The following ZDHHC14 variants were observed in gnomAD, a reference collection of about 807,000 sequenced individuals.
ZDHHC14 encodes the protein zDHHC palmitoyltransferase 14.
ZDHHC14 carries 16 observed loss-of-function variants against 47.7 expected under a neutral mutation model. That is an observed-to-expected ratio of 0.34 (90% CI 0.23 to 0.51). The LOEUF is 0.51. ZDHHC14 is among the 20% of genes least tolerant of loss of function. The pLI, the probability that ZDHHC14 is intolerant of heterozygous loss-of-function variation, is 0.97. For synonymous variants in ZDHHC14, 293 were observed against 278.9 expected, an observed-to-expected ratio of 1.05 and a Z score of -0.50; for missense variants, 515 against 662.5, an observed-to-expected ratio of 0.78 and a Z score of 2.44.
intron 3 of ZDHHC14, among the ~76,000 whole-genome samples, chr6:157,620,972 C>A (rs886544024): frequency 6.6e-6 from 1 of 152,212 alleles, no homozygotes; most frequent in African/African-American, 2.4e-5. Flanking sequence ...ATGTAAAATT[C>A]TTAGCACAGT....
intron 4 of ZDHHC14, among the ~76,000 whole-genome samples, chr6:157,628,996 A>G (rs943539585): frequency 3.3e-5 from 5 of 152,356 alleles, no homozygotes; most frequent in African/African-American, 9.6e-5. Context: ...TTTCTTGCAC[A>G]CAAATCTATA....
chr6:157,445,410 G>C (rs1778645768), intron 1 of ZDHHC14, among the ~76,000 whole-genome samples: 1 of 152,132 alleles, frequency 6.6e-6, no homozygotes, highest in African/African-American at 2.4e-5. Flanking sequence ...CATTTGTCTT[G>C]CCTCCGTCTC....
chr6:157,385,766 A>G (rs1221666970), intron 1 of ZDHHC14, among the ~76,000 whole-genome samples: 2 of 152,272 alleles, frequency 1.3e-5, no homozygotes, highest in African/African-American at 4.8e-5. Flanking sequence ...CTGCAAAGCC[A>G]GTGCTCTTTC....
At chr6:157,480,915 A>T (rs999178037) in intron 1 of ZDHHC14, among the ~76,000 whole-genome samples, 1 of 152,232 alleles carries the variant, frequency 6.6e-6, no homozygotes, top group African/African-American at 2.4e-5. Flanking sequence ...TGAAAATAAA[A>T]TTTTGATAGT....
intron 1 of ZDHHC14, among the ~76,000 whole-genome samples, chr6:157,508,920 A>G (rs1780395374): frequency 6.6e-6 from 1 of 152,218 alleles, no homozygotes. Context: ...TGAAAAATAA[A>G]AAGAGAGAGC....
intron 1 of ZDHHC14, among the ~76,000 whole-genome samples, chr6:157,395,492 T>A (rs1777503258): frequency 6.6e-6 from 1 of 151,844 alleles, no homozygotes; most frequent in South Asian, 2.1e-4. Context: ...TCCTTCACTC[T>A]AGCCTTAAAA....
At chr6:157,449,490 A>G (rs750199990) in intron 1 of ZDHHC14, among the ~76,000 whole-genome samples, 8 of 152,186 alleles carry the variant, frequency 5.3e-5, no homozygotes, top group Admixed American at 1.3e-4. Context: ...CACAGTTATA[A>G]TAAGACTTCT....
At chr6:157,599,393 G>A (rs1315574597) in intron 3 of ZDHHC14, among the ~76,000 whole-genome samples, 1 of 152,210 alleles carries the variant, frequency 6.6e-6, no homozygotes, top group Non-Finnish European at 1.5e-5. Context: ...ACGAAACTCT[G>A]ACTGTCTTCA....
At chr6:157,659,422 C>T (rs978063753) in intron 8 of ZDHHC14, among the ~76,000 whole-genome samples, 5 of 152,200 alleles carry the variant, frequency 3.3e-5, no homozygotes, top group African/African-American at 7.2e-5. Flanking sequence ...ATGAGAAATA[C>T]GCGTACCAAT....
At chr6:157,636,667 A>G (rs1225282108) in intron 5 of ZDHHC14, among the ~76,000 whole-genome samples, 2 of 152,210 alleles carry the variant, frequency 1.3e-5, no homozygotes, top group Non-Finnish European at 2.9e-5. Flanking sequence ...TTCCCCCTGG[A>G]GAAAAGTGGG....
At chr6:157,533,024 G>A (rs1582898231) in intron 1 of ZDHHC14, among the ~76,000 whole-genome samples, 1 of 152,146 alleles carries the variant, frequency 6.6e-6, no homozygotes, top group East Asian at 1.9e-4. Context: ...CACATATGCA[G>A]AAAATCACCC....
chr6:157,395,718 T>G (rs1328538791), intron 1 of ZDHHC14, among the ~76,000 whole-genome samples: 1 of 149,478 alleles, frequency 6.7e-6, no homozygotes, highest in Non-Finnish European at 1.5e-5. Flanking sequence ...CACTTGAACC[T>G]GGGAGGCGGA....
chr6:157,573,764 C>G lies in ZDHHC14; in HGVS notation c.407-19224C>G, dbSNP rs575746096. On this transcript the variant is annotated intron_variant, in intron 2 of 8. Transcript: ENST00000359775. ...CTGGCTGAGCTTTGTTTCCAGTACT[C>G]TCCATCCAGCCCAGAGGAAGCGCAG... Among the ~76,000 whole-genome samples, 9 of 152,326 alleles carry G rather than the reference C, an allele frequency of 5.9e-5. No individual in the cohort carries two copies. The South Asian group carries it at 1.9e-3, about 32-fold the overall frequency.
intron 3 of ZDHHC14, among the ~76,000 whole-genome samples, chr6:157,623,997 A>T (rs181647281): frequency 1.2e-4 from 18 of 152,156 alleles, no homozygotes; most frequent in Admixed American, 3.9e-4. Context: ...CGTGCCCCTA[A>T]CCCTACCCTG....
intron 1 of ZDHHC14, among the ~76,000 whole-genome samples, chr6:157,485,335 C>A (rs984644463): frequency 1.3e-5 from 2 of 152,142 alleles, no homozygotes; most frequent in African/African-American, 4.8e-5. Flanking sequence ...CCCTGGGAGG[C>A]AGTTTTGTTG....
intron 7 of ZDHHC14, among the ~76,000 whole-genome samples, chr6:157,651,027 G>A (rs568638436): frequency 3.9e-5 from 6 of 152,310 alleles, no homozygotes; most frequent in Admixed American, 2.6e-4. Context: ...GTGGGCCCGC[G>A]GCCATGAGCC....
intron 1 of ZDHHC14, among the ~76,000 whole-genome samples, chr6:157,488,672 A>G (rs2114724634): frequency 6.6e-6 from 1 of 152,348 alleles, no homozygotes; most frequent in South Asian, 2.1e-4. Context: ...GGTTCATAAA[A>G]TGTCCTATCA....
chr6:157,511,385 CTT>C (rs35757516), intron 1 of ZDHHC14, among the ~76,000 whole-genome samples: 1 of 145,528 alleles, frequency 6.9e-6, no homozygotes, highest in Non-Finnish European at 1.5e-5. Flanking sequence ...CATGAGGAAA[CTT>C]TTTTTTTTTT....
At chr6:157,640,089 C>A (rs1583058492) in intron 5 of ZDHHC14, among the ~76,000 whole-genome samples, 1 of 152,318 alleles carries the variant, frequency 6.6e-6, no homozygotes, top group African/African-American at 2.4e-5. Context: ...CCAAAACCCT[C>A]AGAAACACCT....
Sources: gnomAD v4.1 joint callset for allele counts (sites outside exome capture counted in the v4.1 genomes callset) on GRCh38, gnomAD v4.1.1 for gene constraint, MANE v1.5 for transcripts, NCBI Gene and HGNC (gene_info 2026-07-23, HGNC 2026-07-21) for gene names.